The following RASGRF2 variants were observed in gnomAD, a reference collection of about 807,000 sequenced individuals.
RASGRF2 encodes ras-specific guanine nucleotide-releasing factor 2.
A neutral mutation model predicts 151.0 loss-of-function variants in RASGRF2; 76 were observed. The ratio of observed to expected loss-of-function variants is 0.50; its 90% CI spans 0.42 to 0.61. The LOEUF is 0.61. Ranked by LOEUF, RASGRF2 falls within the 20% of genes least tolerant of loss-of-function variation. The pLI, the probability that RASGRF2 is intolerant of heterozygous loss-of-function variation, is 0.00. For missense variants in RASGRF2, 1,148 were observed against 1,564.6 expected (o/e 0.73, Z 4.49); for synonymous variants, 504 against 566.5 (o/e 0.89, Z 1.57).
rs755518818 is a variant in RASGRF2 at position 81,073,237 on chromosome 5, A to G, written c.672A>G (p.Lys224=). The G allele has an allele frequency of 1.2e-6, 2 of 1,614,138 alleles. No individual in the cohort carries two copies. Among genetic ancestry groups the G allele is most frequent in the Non-Finnish European group, 8.5e-7 (1 of 1,179,974 alleles). Residue 224 remains lysine (K), a synonymous_variant, in exon 5 of 27, where the codon AAA becomes AAG. Coordinates refer to ENST00000265080, the MANE Select transcript of RASGRF2 (RefSeq NM_006909.3). The part of the protein sequence containing the change: ...SFMRGWLCRR[K]WKTIVQDYIC... ...TGCGAGGATGGTTGTGCAGAAGGAA[A>G]TGGAAGACCATCGTGCAGGATTACA... is the stretch of plus-strand genomic sequence containing the variant.
At chr5:81,137,987 C>T (rs757354676) in intron 17 of RASGRF2, among the ~76,000 whole-genome samples, 7 of 152,270 alleles carry the variant, frequency 4.6e-5, no homozygotes, top group African/African-American at 9.6e-5. Flanking sequence ...GAATTTGGGC[C>T]GTGCTTGATG....
chr5:81,039,077 G>A (rs1198408781), intron 1 of RASGRF2, among the ~76,000 whole-genome samples: 1 of 152,180 alleles, frequency 6.6e-6, no homozygotes, highest in Middle Eastern at 3.4e-3. Context: ...AGATCATAAA[G>A]ATATTCTCTT....
rs751344080 is a variant in RASGRF2 at position 81,113,869 on chromosome 5, G to T, written c.2419G>T (p.Asp807Tyr). The T allele has an allele frequency of 6.2e-7, 1 of 1,614,146 alleles. No individual in the cohort carries two copies. Among genetic ancestry groups the T allele is most frequent in the East Asian group, 2.2e-5 (1 of 44,882 alleles). ...QSPGTVEENV[D>Y]NPRVDLCNKL... ...CCCGGGAACGGTAGAAGAGAATGTC[G>T]ATAACCCACGCGTGGATCTGTGTAA... is the stretch of plus-strand genomic sequence containing the variant. Residue 807 changes from aspartate to tyrosine, a missense_variant, in exon 15 of 27, where the codon GAT becomes TAT. Physicochemically the swap from Asp to Tyr is radical, Grantham distance 160. Around this residue, in one of 5 missense-constraint regions of RASGRF2, gnomAD observed 646 missense variants for 807.4 expected, o/e 0.80. Coordinates refer to ENST00000265080, the MANE Select transcript of RASGRF2 (RefSeq NM_006909.3).
chr5:81,101,445 A>G (rs1752694627), intron 12 of RASGRF2, among the ~76,000 whole-genome samples: 1 of 152,064 alleles, frequency 6.6e-6, no homozygotes, highest in Non-Finnish European at 1.5e-5. Flanking sequence ...TCTGGTTGAA[A>G]TAAAATTGGT....
chr5:81,207,038 T>C, intron 20 of RASGRF2, 133 bp downstream of exon 20: 1 of 863,712 alleles, frequency 1.2e-6, no homozygotes, highest in Non-Finnish European at 1.9e-6. Context: ...CTCTGTGAGA[T>C]GAACCACATT....
Position 81,081,560 on chromosome 5 carries a change from G to T in RASGRF2, c.1161+771G>T, listed in dbSNP as rs148864802. On this transcript the variant is annotated intron_variant, in intron 7 of 26. Coordinates refer to ENST00000265080, the MANE Select transcript of RASGRF2 (RefSeq NM_006909.3). The stretch of plus-strand genomic sequence containing the variant: ...TTCTGTTCTTTTGGAAGAGCATTGA[G>T]TGTTCCCATTGTGGAATTTAGGTGG... 4.9e-3 allele frequency among the ~76,000 whole-genome samples: 745 copies of T among 152,342 alleles called. 7 individuals carry two copies. The highest frequency in any genetic ancestry group is 0.017 in the African/African-American group (718 of 41,578).
intron 2 of RASGRF2, among the ~76,000 whole-genome samples, chr5:81,060,580 A>G (rs1469595799): frequency 1.3e-5 from 2 of 152,200 alleles, no homozygotes; most frequent in Non-Finnish European, 2.9e-5. Context: ...ATAAAGACAC[A>G]GATTTTTTTC....
chr5:81,127,017 T>A (rs913723556), intron 16 of RASGRF2, 57 bp from the exon 17 acceptor site: 47 of 1,558,942 alleles, frequency 3.0e-5, no homozygotes, highest in Non-Finnish European at 5.3e-6. Context: ...TGATTTTTGT[T>A]ACAGAATATT....
Position 81,073,472 on chromosome 5 carries a change from A to G in RASGRF2, c.887+20A>G. The G allele has an allele frequency of 6.2e-7, 1 of 1,603,670 alleles. No individual in the cohort carries two copies. Among genetic ancestry groups the G allele is most frequent in the Non-Finnish European group, 8.5e-7 (1 of 1,175,070 alleles). ...TAACAGGTTTGACATTGCATAAATCAAAGAGTTATGAGAAAAACCCCTTTG... is the reference window on the plus strand; with the variant it reads ...TAACAGGTTTGACATTGCATAAATCGAAGAGTTATGAGAAAAACCCCTTTG... On this transcript the variant is annotated intron_variant, in intron 5 of 26. Transcript: ENST00000265080.
intron 1 of RASGRF2, among the ~76,000 whole-genome samples, chr5:81,025,431 C>A (rs574375359): frequency 6.6e-6 from 1 of 152,308 alleles, no homozygotes; most frequent in African/African-American, 2.4e-5. Flanking sequence ...CACCCTTCCC[C>A]CTTCCCCAGG....
intron 1 of RASGRF2, among the ~76,000 whole-genome samples, chr5:81,035,972 A>G (rs1015725899): frequency 1.3e-5 from 2 of 152,224 alleles, no homozygotes; most frequent in Non-Finnish European, 2.9e-5. Context: ...AATTAATAAC[A>G]CAGAAAAACA....
At chr5:81,097,165 T>C (rs1389613029) in intron 12 of RASGRF2, among the ~76,000 whole-genome samples, 1 of 152,158 alleles carries the variant, frequency 6.6e-6, no homozygotes, top group African/African-American at 2.4e-5. Context: ...CTCACCATGT[T>C]GGCCAGGGTG....
chr5:81,108,886 G>A (rs1325077565), intron 12 of RASGRF2, 110 bp from the exon 13 acceptor site: 4 of 1,403,916 alleles, frequency 2.8e-6, no homozygotes, highest in Non-Finnish European at 2.8e-6. Context: ...GTGTGTAAGA[G>A]ACAGGGAGAG....
At chr5:80,997,861 C>T (rs567050892) in intron 1 of RASGRF2, among the ~76,000 whole-genome samples, 2 of 150,528 alleles carry the variant, frequency 1.3e-5, no homozygotes, top group East Asian at 2.0e-4. Context: ...CCCAGCTGCT[C>T]GGAAGGCTGA....
intron 7 of RASGRF2, among the ~76,000 whole-genome samples, chr5:81,082,411 C>T (rs1426282612): frequency 6.6e-6 from 1 of 152,140 alleles, no homozygotes; most frequent in Non-Finnish European, 1.5e-5. Flanking sequence ...TGATTGACCC[C>T]CGGGAATTTT....
intron 1 of RASGRF2, among the ~76,000 whole-genome samples, chr5:81,018,766 G>A (rs917929795): frequency 1.3e-5 from 2 of 151,124 alleles, no homozygotes; most frequent in Non-Finnish European, 2.9e-5. Context: ...AATGTACCTA[G>A]ACTGGAGAAT....
At chr5:81,003,774 A>G (rs1191442910) in intron 1 of RASGRF2, among the ~76,000 whole-genome samples, 1 of 152,252 alleles carries the variant, frequency 6.6e-6, no homozygotes, top group Non-Finnish European at 1.5e-5. Context: ...TCTGTGTAAC[A>G]CAGGGCCAGT....
At chr5:81,192,787 T>C (rs1755178357) in intron 18 of RASGRF2, among the ~76,000 whole-genome samples, 1 of 152,220 alleles carries the variant, frequency 6.6e-6, no homozygotes, top group Non-Finnish European at 1.5e-5. Flanking sequence ...TTTGCATATA[T>C]CATGATCATT....
chr5:80,990,228 T>A (rs539006404), intron 1 of RASGRF2, among the ~76,000 whole-genome samples: 12 of 147,140 alleles, frequency 8.2e-5, no homozygotes, highest in South Asian at 2.2e-4. Flanking sequence ...GTTTTTTTTT[T>A]TTTTATTTTC....
Sources: gnomAD v4.1 joint callset for allele counts (sites outside exome capture counted in the v4.1 genomes callset) on GRCh38, gnomAD v4.1.1 for gene constraint, gnomAD v4.1.1 regional missense constraint, MANE v1.5 for transcripts, NCBI Gene and HGNC (gene_info 2026-07-23, HGNC 2026-07-21) for gene names.